EMC8: variants seen among roughly 807,000 people sequenced by gnomAD.
EMC8 encodes the protein COX4 neighbor.
A neutral mutation model predicts 24.3 loss-of-function variants in EMC8; 11 were observed. The observed-to-expected ratio is 0.45, with a 90% CI of 0.28 to 0.75. The LOEUF (loss-of-function observed/expected upper bound fraction) is 0.75, where lower values mean the gene tolerates loss of function less well. EMC8 is among the 30% of genes least tolerant of loss of function. EMC8 has a pLI of 0.12. For synonymous variants in EMC8, 145 were observed against 117.7 expected, an observed-to-expected ratio of 1.23 and a Z score of -1.50; for missense variants, 277 against 282.7, an observed-to-expected ratio of 0.98 and a Z score of 0.14.
At chr16:85,789,912 G>A (rs1043079245) in intron 1 of EMC8, among the ~76,000 whole-genome samples, 8 of 152,160 alleles carry the variant, frequency 5.3e-5, no homozygotes, top group Non-Finnish European at 8.8e-5. Context: ...GAAGGGGCAC[G>A]TGCACATGTC....
intron 2 of EMC8, 39 bp downstream of exon 2, chr16:85,788,935 C>A (rs1425707524): frequency 2.0e-6 from 3 of 1,471,174 alleles, no homozygotes; most frequent in Non-Finnish European, 2.9e-6. Flanking sequence ...CCAACACGTG[C>A]TCACTTCCTC....
intron 1 of EMC8, chr16:85,798,829 C>T (rs1905415975): frequency 2.1e-6 from 1 of 480,934 alleles, no homozygotes; most frequent in Admixed American, 3.6e-5. Flanking sequence ...TAACTCGTCG[C>T]CTTAAAGTGC....
Position 85,779,487 on chromosome 16 carries a change from G to C in EMC8, c.*221C>G. 2.0e-6 allele frequency: 1 copy of C among 497,210 alleles called. No homozygotes were observed. The highest frequency in any genetic ancestry group is 3.6e-6 in the Non-Finnish European group (1 of 274,774). 30.8% of individuals were successfully genotyped at this position (497,210 alleles called of 1,614,324 possible). A position where few individuals can be genotyped will look rare whatever the true frequency, so the allele number is the denominator to read the frequency against. On this transcript the variant is annotated 3_prime_UTR_variant, in exon 5 of 5. Coordinates refer to ENST00000253457, the MANE Select transcript of EMC8 (RefSeq NM_006067.5). ...GGATTATAGCAACATACAACTGAGA[G>C]AGTCCACAGGGACAGTCAGACGGGA...
chr16:85,780,148 AAG>A (rs1904419285), intron 4 of EMC8: 1 of 602,244 alleles, frequency 1.7e-6, no homozygotes, highest in Non-Finnish European at 3.0e-6. Context: ...CAGGCCTGGG[AAG>A]AGTGTCTGTG....
intron 1 of EMC8, among the ~76,000 whole-genome samples, chr16:85,797,964 G>A (rs9673638): frequency 0.028 from 4,332 of 152,188 alleles, 202 homozygotes; most frequent in African/African-American, 0.1. Flanking sequence ...GAACTGAAAA[G>A]CTACTGCCTA....
rs1289201020 is a variant in EMC8 at position 85,788,978 on chromosome 16, C to T, written c.304G>A (p.Ala102Thr). ...GAGGGTTCTGCATCCACGTACCTGGCATCCTTTACTCGCTCATTAGCTTGA... is the reference window on the plus strand; with the variant it reads ...GAGGGTTCTGCATCCACGTACCTGGTATCCTTTACTCGCTCATTAGCTTGA... The part of the protein sequence containing the change: ...YYQANERVKD[A>T]SPNQVAEKVA... The change falls in exon 2 of 5, where the codon GCC becomes ACC. Residue 102 changes from alanine to threonine, a missense_variant. Transcript: ENST00000253457. 6.2e-7 allele frequency: 1 copy of T among 1,610,662 alleles called. No homozygotes were observed. The highest frequency in any genetic ancestry group is 2.2e-5 in the East Asian group (1 of 44,882).
intron 2 of EMC8, chr16:85,784,716 G>C (rs1382144761): frequency 2.0e-5 from 3 of 152,170 alleles, no homozygotes; most frequent in Admixed American, 2.0e-4. Flanking sequence ...AGTGGGTACA[G>C]AGCCCTCAGG....
intron 2 of EMC8, among the ~76,000 whole-genome samples, chr16:85,783,448 G>C (rs1158045292): frequency 6.6e-6 from 1 of 152,128 alleles, no homozygotes; most frequent in Admixed American, 6.5e-5. Flanking sequence ...CACGTGCTAC[G>C]AAGCTCAGCT....
At position 85,779,498 on chromosome 16, in the gene EMC8, G is replaced by A. The variant is rs557677796; in HGVS notation, c.*210C>T. ...ACATACAACTGAGAGAGTCCACAGG[G>A]ACAGTCAGACGGGATGTCTGCACCT... On this transcript the variant is annotated 3_prime_UTR_variant, in exon 5 of 5. Transcript: ENST00000253457. 4 of 529,884 alleles carry A rather than the reference G, an allele frequency of 7.5e-6. No individual in the cohort carries two copies. In the South Asian group the frequency reaches 8.7e-5, roughly 12 times the overall value. 32.8% of individuals were successfully genotyped at this position (529,884 alleles called of 1,614,324 possible).
At chr16:85,783,679 T>A (rs1904616980) in intron 2 of EMC8, among the ~76,000 whole-genome samples, 1 of 152,182 alleles carries the variant, frequency 6.6e-6, no homozygotes, top group South Asian at 2.1e-4. Context: ...GTCTTCAATG[T>A]CAGGAAATCT....
intron 1 of EMC8, 122 bp from the exon 2 acceptor site, chr16:85,789,172 C>T (rs969704102): frequency 4.2e-6 from 3 of 722,402 alleles, no homozygotes; most frequent in Non-Finnish European, 5.0e-6. Context: ...AATCCTCATA[C>T]CCTACACCCC....
rs780404835 is a variant in EMC8, at chr16:85,779,675, A to G, written c.*33T>C. 5.6e-6 allele frequency: 9 copies of G among 1,604,634 alleles called. No homozygotes were observed. Among genetic ancestry groups the G allele is most frequent in the Middle Eastern group, 1.7e-4 (1 of 6,022 alleles). On this transcript the variant is annotated 3_prime_UTR_variant, in exon 5 of 5. Transcript: ENST00000253457. ...TAGGTTTTCTTCTTCAACGTAGTGG[A>G]AAGGCCCGGAGCCCAGTCACAGCGG... is the stretch of plus-strand genomic sequence containing the variant.
chr16:85,791,226 A>AT (rs1452464198), intron 1 of EMC8, among the ~76,000 whole-genome samples: 1 of 152,072 alleles, frequency 6.6e-6, no homozygotes, highest in African/African-American at 2.4e-5. Flanking sequence ...TAATGCATAC[A>AT]TTTTTTGGAT....
At chr16:85,788,192 C>G (rs1313599755) in intron 2 of EMC8, among the ~76,000 whole-genome samples, 1 of 152,264 alleles carries the variant, frequency 6.6e-6, no homozygotes, top group African/African-American at 2.4e-5. Context: ...TGCTCTGGGC[C>G]ACCTCTCCCC....
chr16:85,795,566 C>T (rs1339634548), intron 1 of EMC8, among the ~76,000 whole-genome samples: 1 of 152,136 alleles, frequency 6.6e-6, no homozygotes, highest in Non-Finnish European at 1.5e-5. Context: ...GGAGAGGGTC[C>T]CCCCTAGACC....
chr16:85,779,748 G>A lies in EMC8; in HGVS notation c.593C>T (p.Thr198Ile). 6.2e-7 allele frequency: 1 copy of A among 1,614,242 alleles called. No homozygotes were observed. Among genetic ancestry groups the A allele is most frequent in the Non-Finnish European group, 8.5e-7 (1 of 1,180,046 alleles). ...GACAGCTTTATTGATCTCTGGGTTT[G>A]TCCAGTCATTCCGAATGTCATCCAG... ...NHLDDIRNDWTNPEINKAVLH... is the reference protein window; with the variant it reads ...NHLDDIRNDWINPEINKAVLH... The change falls in exon 5 of 5, where the codon ACA (threonine) becomes ATA (isoleucine). Residue 198 changes from threonine (T) to isoleucine (I), a missense_variant. Transcript: ENST00000253457.
chr16:85,788,350 C>T (rs1904849655), intron 2 of EMC8, among the ~76,000 whole-genome samples: 1 of 152,266 alleles, frequency 6.6e-6, no homozygotes, highest in South Asian at 2.1e-4. Flanking sequence ...TGTGCGTTAT[C>T]TACGGCCCAG....
intron 1 of EMC8, among the ~76,000 whole-genome samples, chr16:85,796,536 T>C (rs1050264539): frequency 2.0e-5 from 3 of 152,220 alleles, no homozygotes; most frequent in African/African-American, 7.2e-5. Context: ...GGCTTCCCTC[T>C]GTCCTCAGGA....
At chr16:85,788,837 C>G in intron 2 of EMC8, 137 bp downstream of exon 2, 1 of 693,050 alleles carries the variant, frequency 1.4e-6, no homozygotes, top group South Asian at 1.6e-5. Context: ...CAGTTCGCCT[C>G]AAATACTACA....
Sources: allele counts gnomAD v4.1 joint callset (sites outside exome capture counted in the v4.1 genomes callset), GRCh38; gene constraint gnomAD v4.1.1; transcripts MANE v1.5; gene names NCBI Gene and HGNC (gene_info 2026-07-23, HGNC 2026-07-21).